P2RX7: variants seen among roughly 807,000 people sequenced by gnomAD.
The protein encoded by P2RX7 is P2X purinoceptor 7.
Under a neutral mutation model 71.6 loss-of-function variants are expected in P2RX7, and 62 were observed. The observed-to-expected ratio is 0.87, with a 90% confidence interval of 0.71 to 1.07. P2RX7 has a LOEUF of 1.07. Among genes scored for constraint, P2RX7 ranks in the 50% least tolerant of loss-of-function variants. The pLI, the probability that P2RX7 is intolerant of heterozygous loss-of-function variation, is 0.00. For synonymous variants in P2RX7, 299 were observed against 283.3 expected (o/e 1.06, Z -0.56); for missense variants, 686 against 748.5 (o/e 0.92, Z 0.97).
At position 121,154,220 on chromosome 12, in the gene P2RX7, G is replaced by A. The variant is rs1878094147; in HGVS notation, c.126-565G>A. ...CAGGAGAATCACTTGAACCTGGGAG[G>A]TGGAAGTTGCAGTGAGCCAAGATCG... On this transcript the variant is annotated intron_variant, in intron 1 of 12. Coordinates refer to ENST00000328963, the MANE Select transcript of P2RX7 (RefSeq NM_002562.6). The surrounding 1 kb of genome is among the most constrained non-coding windows in gnomAD (Gnocchi z 4.2). Among the ~76,000 whole-genome samples the A allele has an allele frequency of 6.6e-6, 1 of 151,908 alleles. No individual in the cohort carries two copies. Among genetic ancestry groups the A allele is most frequent in the South Asian group, 2.1e-4 (1 of 4,818 alleles).
intron 1 of P2RX7, among the ~76,000 whole-genome samples, chr12:121,136,021 A>ATAT (rs1250639431): frequency 0.031 from 511 of 16,476 alleles, 11 homozygotes; most frequent in East Asian, 0.18. Flanking sequence ...AAAAAAAAAA[A>ATAT]AAATATATAT....
intron 8 of P2RX7, among the ~76,000 whole-genome samples, chr12:121,171,868 T>C (rs1326255316): frequency 6.7e-6 from 1 of 150,108 alleles, no homozygotes; most frequent in Non-Finnish European, 1.5e-5. Context: ...CTTTCTTTTT[T>C]TTTTTTTTTT....
intron 1 of P2RX7, among the ~76,000 whole-genome samples, chr12:121,135,050 T>A (rs538889310): frequency 4.9e-4 from 74 of 152,170 alleles, no homozygotes; most frequent in Middle Eastern, 6.8e-3. Flanking sequence ...TTAAAAATAA[T>A]CTTTTTAAGT....
intron 1 of P2RX7, among the ~76,000 whole-genome samples, chr12:121,138,532 G>A (rs549810987): frequency 2.6e-5 from 4 of 152,250 alleles, no homozygotes; most frequent in African/African-American, 9.6e-5. Flanking sequence ...AGACGAGGGA[G>A]CCGTGTGAGC....
chr12:121,155,422 G>A (rs568975807), intron 2 of P2RX7: 2 of 1,280,074 alleles, frequency 1.6e-6, no homozygotes, highest in Admixed American at 4.6e-5. Context: ...AAGAAGAAAG[G>A]CATCGGTCAC....
At chr12:121,140,222 C>T (rs1874561597) in intron 1 of P2RX7, among the ~76,000 whole-genome samples, 1 of 146,394 alleles carries the variant, frequency 6.8e-6, no homozygotes, top group Admixed American at 6.6e-5. Context: ...AATGCAAAGA[C>T]CTGGAAACAA....
At chr12:121,155,924 G>C (rs760113613) in intron 2 of P2RX7, among the ~76,000 whole-genome samples, 155 bp from the exon 3 acceptor site, 14 of 152,198 alleles carry the variant, frequency 9.2e-5, no homozygotes, top group Non-Finnish European at 1.6e-4. Flanking sequence ...GTCCAGCTTT[G>C]ATATTAAGCC....
At chr12:121,167,732 TTCTC>T in intron 8 of P2RX7, 108 bp downstream of exon 8, 1 of 982,548 alleles carries the variant, frequency 1.0e-6, no homozygotes, top group Non-Finnish European at 1.4e-6. Context: ...AAAAAAGACT[TTCTC>T]TAAGAACTAG....
rs11065456 is a variant in P2RX7 at position 121,149,024 on chromosome 12, G to A, written c.126-5761G>A. The stretch of plus-strand genomic sequence containing the variant: ...AGCCCAGGGGCTGTAAGACGGAGAG[G>A]AACTTTGCTGAAAGGGAGGTCCTCC... On this transcript the variant is annotated intron_variant, in intron 1 of 12. Coordinates refer to ENST00000328963, the MANE Select transcript of P2RX7 (RefSeq NM_002562.6). This position sits in a 1 kb window ranked among gnomAD's most constrained non-coding sequence, Gnocchi z 4.7. 0.026 allele frequency: 14,407 copies of A among 559,236 alleles called. 1,643 individuals carry two copies. The highest frequency in any genetic ancestry group is 0.25 in the African/African-American group (12,942 of 52,552). The allele number at this position is 559,236 out of a possible 1,614,324, so 34.6% of individuals were successfully genotyped here.
intron 8 of P2RX7, among the ~76,000 whole-genome samples, chr12:121,168,279 T>TCTTTTC (rs1881522038): frequency 1.3e-5 from 2 of 149,608 alleles, no homozygotes; most frequent in Non-Finnish European, 3.0e-5. Flanking sequence ...TCTTTTCTTT[T>TCTTTTC]CTTTTTTTTT....
At chr12:121,141,676 T>C (rs578029372) in intron 1 of P2RX7, among the ~76,000 whole-genome samples, 4 of 152,146 alleles carry the variant, frequency 2.6e-5, no homozygotes. Context: ...TCATTCTGCT[T>C]GAAATATAAC....
At position 121,156,217 on chromosome 12, in the gene P2RX7, C is replaced by G. The variant is rs1878548036; in HGVS notation, c.363+70C>G. On this transcript the variant is annotated intron_variant, in intron 3 of 12. Coordinates refer to ENST00000328963, the MANE Select transcript of P2RX7 (RefSeq NM_002562.6). ...TGGGGGAGGTGCAAGTCGGAAGAAG[C>G]AGAAATGCGGACCCTGGGGTGTATT... 6 of 1,258,388 alleles carry G rather than the reference C, an allele frequency of 4.8e-6. No individual in the cohort carries two copies. The South Asian group carries it at 7.2e-5, about 15-fold the overall frequency. 78.0% of individuals were successfully genotyped at this position (1,258,388 alleles called of 1,614,324 possible). A position where few individuals can be genotyped will look rare whatever the true frequency, so the allele number is the denominator to read the frequency against.
chr12:121,146,556 T>G (rs888663089), intron 1 of P2RX7, among the ~76,000 whole-genome samples: 1 of 152,094 alleles, frequency 6.6e-6, no homozygotes, highest in Non-Finnish European at 1.5e-5. Context: ...CTTCCCAAAG[T>G]GCTGGGATTA....
chr12:121,153,689 A>G (rs1168662579), intron 1 of P2RX7, among the ~76,000 whole-genome samples: 1 of 149,328 alleles, frequency 6.7e-6, no homozygotes, highest in Non-Finnish European at 1.5e-5. Flanking sequence ...AAAAAACATA[A>G]TAAAACAAAC....
At chr12:121,166,921 A>G (rs2686371) in intron 7 of P2RX7, among the ~76,000 whole-genome samples, 14,960 of 151,094 alleles carry the variant, frequency 0.099, 871 homozygotes, top group African/African-American at 0.16. Flanking sequence ...GCATGATTGC[A>G]GGCTCCTGTA....
At chr12:121,155,257 A>G in intron 2 of P2RX7, 2 of 1,351,208 alleles carry the variant, frequency 1.5e-6, no homozygotes. Context: ...CACAGCCACC[A>G]AGCCAGCAAG....
intron 1 of P2RX7, among the ~76,000 whole-genome samples, chr12:121,145,409 G>C (rs967570374): frequency 2.6e-5 from 4 of 152,206 alleles, no homozygotes; most frequent in African/African-American, 7.2e-5. Context: ...AGGCTTTAGA[G>C]AAGGGATGGG....
chr12:121,184,286 TG>T lies in P2RX7; in HGVS notation c.1291-17del, dbSNP rs777159260. 1 of 1,572,764 alleles carries T rather than the reference TG, an allele frequency of 6.4e-7. No homozygotes were observed. Among genetic ancestry groups the T allele is most frequent in the Admixed American group, 1.9e-5 (1 of 52,688 alleles). ...GAGGGCTTGTCATGGCTAATAGGTTTGGAAACTTGCTTTTTCAGAGACCTGC... is the reference window on the plus strand; with the variant it reads ...GAGGGCTTGTCATGGCTAATAGGTTTGAAACTTGCTTTTTCAGAGACCTGC... On this transcript the variant is annotated intron_variant, in intron 12 of 12. Coordinates refer to ENST00000328963, the MANE Select transcript of P2RX7 (RefSeq NM_002562.6).
rs1451498768 is a variant in P2RX7 at position 121,175,495 on chromosome 12, A to G, written c.972+17A>G. ...TTTGGCACCGTAAGTCTCGTTTCCCAGCTCCGGGCACCGGCATCCTATGAC... is the reference window on the plus strand; with the variant it reads ...TTTGGCACCGTAAGTCTCGTTTCCCGGCTCCGGGCACCGGCATCCTATGAC... On this transcript the variant is annotated intron_variant, in intron 9 of 12. Coordinates refer to ENST00000328963, the MANE Select transcript of P2RX7 (RefSeq NM_002562.6). 7.6e-6 allele frequency: 8 copies of G among 1,058,366 alleles called. No individual in the cohort carries two copies. The highest frequency in any genetic ancestry group is 5.0e-5 in the South Asian group (4 of 79,876). The allele number at this position is 1,058,366 out of a possible 1,614,324, so 65.6% of individuals were successfully genotyped here.
Sources: gnomAD v4.1 joint callset for allele counts (sites outside exome capture counted in the v4.1 genomes callset) on GRCh38, gnomAD v4.1.1 for gene constraint, Gnocchi (gnomAD v3.1) non-coding constraint, MANE v1.5 for transcripts, NCBI Gene and HGNC (gene_info 2026-07-23, HGNC 2026-07-21) for gene names.